Variants in FAM135A observed in about 807,000 individuals in gnomAD.
FAM135A encodes protein FAM135A.
Under a neutral mutation model 146.8 loss-of-function variants are expected in FAM135A, and 79 were observed. The observed-to-expected ratio is 0.54, with a 90% CI of 0.45 to 0.65. The LOEUF (loss-of-function observed/expected upper bound fraction) is 0.65, where lower values mean the gene tolerates loss of function less well. Ranked by LOEUF, FAM135A falls within the 30% of genes least tolerant of loss-of-function variation. The pLI is 0.00. For synonymous variants in FAM135A, 562 were observed against 603.6 expected, an observed-to-expected ratio of 0.93 and a Z score of 1.01; for missense variants, 1,623 against 1,758.2, an observed-to-expected ratio of 0.92 and a Z score of 1.38.
intron 7 of FAM135A, 79 bp downstream of exon 7, chr6:70,475,812 T>C (rs1012927577): frequency 8.8e-6 from 10 of 1,135,308 alleles, no homozygotes; most frequent in Non-Finnish European, 1.3e-5. Flanking sequence ...ATTTTCCTCT[T>C]AAAATTCATC....
At chr6:70,520,594 G>T (rs1011027679) in intron 12 of FAM135A, among the ~76,000 whole-genome samples, 1 of 151,276 alleles carries the variant, frequency 6.6e-6, no homozygotes, top group Non-Finnish European at 1.5e-5. Context: ...TGCCAAATAA[G>T]TTTTTTTTTA....
rs1796266446 is a variant in FAM135A, at chr6:70,533,732, T to C, written c.3868-25T>C. ...TGATTATACATATTCCCAAATATAATGTATGTGCTTTGCTTTCTTTTTAGA... is the reference window on the plus strand; with the variant it reads ...TGATTATACATATTCCCAAATATAACGTATGTGCTTTGCTTTCTTTTTAGA... On this transcript the variant is annotated intron_variant, in intron 17 of 21. Coordinates refer to ENST00000418814, the MANE Select transcript of FAM135A (RefSeq NM_001162529.3). 2.2e-6 allele frequency: 3 copies of C among 1,347,102 alleles called. No homozygotes were observed. In the African/African-American group the frequency reaches 4.4e-5, roughly 20 times the overall value. The allele number at this position is 1,347,102 out of a possible 1,614,324, so 83.4% of individuals were successfully genotyped here.
At chr6:70,440,596 G>C (rs1242543204) in intron 4 of FAM135A, among the ~76,000 whole-genome samples, 2 of 152,218 alleles carry the variant, frequency 1.3e-5, no homozygotes, top group South Asian at 2.1e-4. Flanking sequence ...TCTGAAGCAG[G>C]AGAATTGCTT....
intron 2 of FAM135A, among the ~76,000 whole-genome samples, chr6:70,421,807 G>A (rs1768914913): frequency 1.3e-5 from 2 of 152,170 alleles, no homozygotes; most frequent in African/African-American, 4.8e-5. Flanking sequence ...CGGTAAGTCA[G>A]CTGATTCCAG....
intron 13 of FAM135A, 92 bp from the exon 14 acceptor site, chr6:70,523,875 A>C: frequency 7.8e-7 from 1 of 1,285,090 alleles, no homozygotes; most frequent in Non-Finnish European, 1.1e-6. Context: ...AGGGATAGGA[A>C]TTGAGGAGGG....
chr6:70,507,416 A>G (rs772709016), intron 12 of FAM135A, among the ~76,000 whole-genome samples: 1 of 152,160 alleles, frequency 6.6e-6, no homozygotes, highest in African/African-American at 2.4e-5. Flanking sequence ...CTTAGCTACA[A>G]TAAAGTATAT....
chr6:70,442,737 C>CAA lies in FAM135A; in HGVS notation c.78-9747_78-9746dup, dbSNP rs138281077. On this transcript the variant is annotated intron_variant, in intron 4 of 21. Coordinates refer to ENST00000418814, the MANE Select transcript of FAM135A (RefSeq NM_001162529.3). ...GGTAACACCTGAATCCATCATATCC[C>CAA]AAAAAAAAAGAGCCAGACATTTTAT... 2.1e-3 allele frequency among the ~76,000 whole-genome samples: 318 copies of CAA among 150,094 alleles called. 1 individual carries two copies. Among genetic ancestry groups the CAA allele is most frequent in the Non-Finnish European group, 3.5e-3 (236 of 67,388 alleles).
intron 16 of FAM135A, among the ~76,000 whole-genome samples, chr6:70,530,172 A>G (rs1023604253): frequency 6.6e-6 from 1 of 152,222 alleles, no homozygotes; most frequent in African/African-American, 2.4e-5. Flanking sequence ...ATTTCCCAGA[A>G]TGGAAGGATA....
At chr6:70,509,501 A>G (rs1790520635) in intron 12 of FAM135A, among the ~76,000 whole-genome samples, 1 of 152,190 alleles carries the variant, frequency 6.6e-6, no homozygotes, top group African/African-American at 2.4e-5. Context: ...GGAGACCTTC[A>G]TAGATGGATA....
Position 70,420,421 on chromosome 6 carries a change from G to A in FAM135A, c.-134+5045G>A, listed in dbSNP as rs375312174. On this transcript the variant is annotated intron_variant, in intron 2 of 21. Coordinates refer to ENST00000418814, the MANE Select transcript of FAM135A (RefSeq NM_001162529.3). ...CAAGGTGTAGTTAGCTATTGTTTTA[G>A]GATCACTGTGGATGGTGCAGGAACG... 4.6e-5 allele frequency among the ~76,000 whole-genome samples: 7 copies of A among 152,302 alleles called. No homozygotes were observed. In the East Asian group the frequency reaches 1.3e-3, roughly 29 times the overall value.
intron 5 of FAM135A, among the ~76,000 whole-genome samples, chr6:70,471,753 A>G (rs771399765): frequency 2.0e-5 from 3 of 152,302 alleles, no homozygotes; most frequent in South Asian, 2.1e-4. Flanking sequence ...AGAAATTCAA[A>G]TTACAGATGG....
At chr6:70,481,239 G>A (rs1214283650) in intron 9 of FAM135A, among the ~76,000 whole-genome samples, 2 of 152,190 alleles carry the variant, frequency 1.3e-5, no homozygotes, top group Non-Finnish European at 2.9e-5. Context: ...TTAGTGGATA[G>A]ACATCTGTGA....
chr6:70,433,604 G>A (rs1010138055), intron 4 of FAM135A, among the ~76,000 whole-genome samples: 35 of 151,654 alleles, frequency 2.3e-4, no homozygotes, highest in Admixed American at 1.1e-3. Flanking sequence ...TTGTCCACGC[G>A]TTTGTGGTCA....
chr6:70,458,297 C>T (rs1442558116), intron 5 of FAM135A, among the ~76,000 whole-genome samples: 4 of 152,030 alleles, frequency 2.6e-5, no homozygotes, highest in Non-Finnish European at 5.9e-5. Context: ...TTCAAAATAG[C>T]AAATTTTACC....
chr6:70,435,492 A>G (rs1772865617), intron 4 of FAM135A, among the ~76,000 whole-genome samples: 1 of 151,922 alleles, frequency 6.6e-6, no homozygotes, highest in South Asian at 2.1e-4. Context: ...CCTGTAAACC[A>G]GGTTTGATAC....
At chr6:70,522,426 G>A in intron 12 of FAM135A, 87 bp from the exon 13 acceptor site, 1 of 1,087,738 alleles carries the variant, frequency 9.2e-7, no homozygotes, top group Non-Finnish European at 1.4e-6. Context: ...AAGGCGTAAT[G>A]GAGGCAGTTT....
intron 5 of FAM135A, among the ~76,000 whole-genome samples, chr6:70,459,526 T>C (rs1425520892): frequency 2.0e-5 from 3 of 152,178 alleles, no homozygotes; most frequent in Non-Finnish European, 4.4e-5. Flanking sequence ...TCATAGACTT[T>C]TACAACAGAG....
rs748378319 is a variant in FAM135A at position 70,525,161 on chromosome 6, C to G, written c.2077C>G (p.Leu693Val). 66 of 1,581,640 alleles carry G rather than the reference C, an allele frequency of 4.2e-5. No individual in the cohort carries two copies. The highest frequency in any genetic ancestry group is 9.6e-5 in the African/African-American group (7 of 73,298). Reference sequence around the variant, plus strand: ...AGAGGAAATACTTGTGGATAATTTACTACCCAACTTTGAGTCCTTAGAATC... The same window carrying G: ...AGAGGAAATACTTGTGGATAATTTAGTACCCAACTTTGAGTCCTTAGAATC... Reference protein sequence around the residue: ...RQEEILVDNLLPNFESLESNG... With the variant: ...RQEEILVDNLVPNFESLESNG... Residue 693 changes from leucine (L) to valine (V), a missense_variant, in exon 15 of 22, where the codon CTA (leucine) becomes GTA (valine). Transcript: ENST00000418814.
chr6:70,495,667 T>G (rs1482750970), intron 11 of FAM135A, among the ~76,000 whole-genome samples: 2 of 152,164 alleles, frequency 1.3e-5, no homozygotes, highest in Non-Finnish European at 2.9e-5. Flanking sequence ...CTTCAAGTTA[T>G]GGGATACATG....
Sources: gnomAD v4.1 joint callset for allele counts (sites outside exome capture counted in the v4.1 genomes callset) on GRCh38, gnomAD v4.1.1 for gene constraint, MANE v1.5 for transcripts, NCBI Gene and HGNC (gene_info 2026-07-23, HGNC 2026-07-21) for gene names.